FOXP1: variants seen among roughly 807,000 people sequenced by gnomAD.
The protein encoded by FOXP1 is forkhead box P1.
A neutral mutation model predicts 98.2 loss-of-function variants in FOXP1; 15 were observed. The ratio of observed to expected loss-of-function variants is 0.15; its 90% confidence interval spans 0.10 to 0.24. The LOEUF (loss-of-function observed/expected upper bound fraction) is 0.24, where lower values mean the gene tolerates loss of function less well. FOXP1 is among the 10% of genes least tolerant of loss of function. The probability of loss-of-function intolerance (pLI) is 1.00; values close to 1 mark genes in which losing one functional copy is unlikely to be tolerated. For synonymous variants in FOXP1, 371 were observed against 314.5 expected (o/e 1.18, Z -1.90); for missense variants, 633 against 848.5 (o/e 0.75, Z 3.15).
Position 70,956,232 on chromosome 3 carries a change from A to T in FOXP1, c.*3015T>A, listed in dbSNP as rs1416663528. On this transcript the variant is annotated 3_prime_UTR_variant, in exon 21 of 21. Coordinates refer to ENST00000649528, the MANE Select transcript of FOXP1 (RefSeq NM_001349338.3). Reference sequence around the variant, plus strand: ...CAAAGATTCACACAGACACATCGGGATATATGTACAACGTAATAAACCCCA... The same window carrying T: ...CAAAGATTCACACAGACACATCGGGTTATATGTACAACGTAATAAACCCCA... 3 of 233,440 alleles carry T rather than the reference A, an allele frequency of 1.3e-5. No individual in the cohort carries two copies. Among genetic ancestry groups the T allele is most frequent in the Non-Finnish European group, 2.5e-5 (3 of 117,982 alleles). 14.5% of individuals were successfully genotyped at this position (233,440 alleles called of 1,614,324 possible). A position where few individuals can be genotyped will look rare whatever the true frequency, so the allele number is the denominator to read the frequency against.
chr3:71,347,853 C>G (rs894009014), intron 4 of FOXP1, among the ~76,000 whole-genome samples: 2 of 150,474 alleles, frequency 1.3e-5, no homozygotes, highest in Admixed American at 1.3e-4. Flanking sequence ...CCACCGAACT[C>G]CGGCTCAGCA....
At chr3:71,262,026 G>C (rs2069188136) in intron 5 of FOXP1, among the ~76,000 whole-genome samples, 1 of 151,886 alleles carries the variant, frequency 6.6e-6, no homozygotes. Context: ...CTAGCATTTT[G>C]GGAGGCCGAG....
intron 5 of FOXP1, among the ~76,000 whole-genome samples, chr3:71,232,877 C>CAAAAAAAAAA (rs59404230): frequency 0.086 from 2,675 of 31,238 alleles, 613 homozygotes; most frequent in East Asian, 0.3. Flanking sequence ...AACTCTGTCT[C>CAAAAAAAAAA]AAAAAAAAAA....
intron 5 of FOXP1, among the ~76,000 whole-genome samples, chr3:71,280,637 T>G (rs1560233826): frequency 6.6e-6 from 1 of 152,126 alleles, no homozygotes; most frequent in Non-Finnish European, 1.5e-5. Context: ...AATATCTTTT[T>G]TTTTTGTTTT....
chr3:71,376,176 T>C (rs1341277458), intron 3 of FOXP1, among the ~76,000 whole-genome samples: 12 of 152,264 alleles, frequency 7.9e-5, no homozygotes, highest in Admixed American at 5.9e-4. Flanking sequence ...CATTACTGAA[T>C]TATTTCACCT....
chr3:71,373,564 T>C (rs779352177), intron 3 of FOXP1, among the ~76,000 whole-genome samples: 12 of 152,262 alleles, frequency 7.9e-5, no homozygotes, highest in Non-Finnish European at 4.4e-5. Flanking sequence ...AAAAAATCAT[T>C]AAAATGCACT....
chr3:70,954,873 TCAAAACAAAA>T lies in FOXP1; in HGVS notation c.*4364_*4373del, dbSNP rs57959417. ...AGGAATGAGTTTCTTTTATGCCTTATCAAAACAAAACAAAACAAAACAAAAAAATTCTTGT... is the reference window on the plus strand; with the variant it reads ...AGGAATGAGTTTCTTTTATGCCTTATCAAAACAAAACAAAAAAATTCTTGT... On this transcript the variant is annotated 3_prime_UTR_variant, in exon 21 of 21. Transcript: ENST00000649528. 3.9e-5 allele frequency: 9 copies of T among 232,448 alleles called. No individual in the cohort carries two copies. Among genetic ancestry groups the T allele is most frequent in the East Asian group, 3.6e-4 (6 of 16,512 alleles). 14.4% of individuals were successfully genotyped at this position (232,448 alleles called of 1,614,324 possible). A position where few individuals can be genotyped will look rare whatever the true frequency, so the allele number is the denominator to read the frequency against.
intron 5 of FOXP1, among the ~76,000 whole-genome samples, chr3:71,256,620 G>T (rs979275841): frequency 4.6e-5 from 7 of 152,142 alleles, no homozygotes; most frequent in African/African-American, 1.4e-4. Context: ...TTAACCTCAT[G>T]ATTCACCTGC....
chr3:71,312,145 G>A (rs1390093079), intron 4 of FOXP1, among the ~76,000 whole-genome samples: 3 of 152,172 alleles, frequency 2.0e-5, no homozygotes, highest in Non-Finnish European at 4.4e-5. Context: ...GACACTTAAT[G>A]GAAGCCTGGC....
intron 2 of FOXP1, among the ~76,000 whole-genome samples, chr3:71,541,550 G>C (rs1215579279): frequency 2.0e-5 from 3 of 152,168 alleles, no homozygotes; most frequent in Non-Finnish European, 2.9e-5. Flanking sequence ...ACAAAGTCTA[G>C]AGACTTGAAA....
chr3:71,489,895 C>T (rs6549393), intron 3 of FOXP1, among the ~76,000 whole-genome samples: 43,167 of 152,092 alleles, frequency 0.28, 6,477 homozygotes, highest in Non-Finnish European at 0.33. Context: ...GTGAAGCAAT[C>T]TGTTGTTCTG....
rs148666535 is a variant in FOXP1, at chr3:71,330,080, A to G, written c.-73+29070T>C. Among the ~76,000 whole-genome samples the G allele has an allele frequency of 1.2e-4, 18 of 152,304 alleles. No individual in the cohort carries two copies. The East Asian group carries it at 3.3e-3, about 28-fold the overall frequency. ...GAAAGAAAAGAAAAGAAAAAACATG[A>G]ACTTATACATGTAATAACATGTATA... On this transcript the variant is annotated intron_variant, in intron 4 of 20. Coordinates refer to ENST00000649528, the MANE Select transcript of FOXP1 (RefSeq NM_001349338.3).
chr3:71,072,453 A>T (rs932691341), intron 7 of FOXP1, among the ~76,000 whole-genome samples: 3 of 152,210 alleles, frequency 2.0e-5, no homozygotes, highest in Non-Finnish European at 2.9e-5. Context: ...ACAACCAAAA[A>T]AATGTTTTTT....
intron 13 of FOXP1, among the ~76,000 whole-genome samples, chr3:70,996,370 C>G (rs2041361619): frequency 6.6e-6 from 1 of 152,140 alleles, no homozygotes; most frequent in African/African-American, 2.4e-5. Flanking sequence ...TCTCCACAAC[C>G]CATTGTCTTT....
At chr3:71,162,531 T>C (rs1328230673) in intron 6 of FOXP1, among the ~76,000 whole-genome samples, 1 of 152,234 alleles carries the variant, frequency 6.6e-6, no homozygotes, top group African/African-American at 2.4e-5. Flanking sequence ...CAATATCTAT[T>C]GGGTTCCTAC....
chr3:71,184,768 T>TGG (rs200188586), intron 6 of FOXP1, among the ~76,000 whole-genome samples: 2 of 150,890 alleles, frequency 1.3e-5, no homozygotes, highest in African/African-American at 2.4e-5. Context: ...TTTTTTTTTT[T>TGG]GGGGGGGGCA....
intron 7 of FOXP1, among the ~76,000 whole-genome samples, chr3:71,074,819 G>A (rs187771122): frequency 6.6e-6 from 1 of 152,334 alleles, no homozygotes; most frequent in Non-Finnish European, 1.5e-5. Context: ...CAACTGGGCT[G>A]GCTGGATGTG....
intron 20 of FOXP1, among the ~76,000 whole-genome samples, chr3:70,964,105 TAGC>T (rs1208202958): frequency 6.6e-6 from 1 of 152,344 alleles, no homozygotes; most frequent in South Asian, 2.1e-4. Context: ...ATTACACAGA[TAGC>T]AGGCGCAGGG....
chr3:71,209,397 GC>G (rs1284746939), intron 5 of FOXP1, among the ~76,000 whole-genome samples: 2 of 152,132 alleles, frequency 1.3e-5, no homozygotes, highest in Non-Finnish European at 2.9e-5. Flanking sequence ...AAACCTTAAT[GC>G]TCCAGTCTCC....
Sources: allele counts gnomAD v4.1 joint callset (sites outside exome capture counted in the v4.1 genomes callset), GRCh38; gene constraint gnomAD v4.1.1; transcripts MANE v1.5; gene names NCBI Gene and HGNC (gene_info 2026-07-23, HGNC 2026-07-21).